The following ANKRD33 variants were observed in gnomAD, a reference collection of about 807,000 sequenced individuals.
ANKRD33 encodes photoreceptor ankyrin repeat protein.
In ANKRD33, 20 loss-of-function variants were observed where a neutral mutation model predicts 20.6. That is an observed-to-expected ratio of 0.97 (90% confidence interval 0.68 to 1.41). The LOEUF (loss-of-function observed/expected upper bound fraction) is 1.41, where lower values mean the gene tolerates loss of function less well. ANKRD33 is among the 40% of genes most tolerant of loss of function. The pLI, the probability that ANKRD33 is intolerant of heterozygous loss-of-function variation, is 0.00. For synonymous variants in ANKRD33, 246 were observed against 245.0 expected, an observed-to-expected ratio of 1.00 and a Z score of -0.04; for missense variants, 545 against 579.6, an observed-to-expected ratio of 0.94 and a Z score of 0.61.
At chr12:51,890,557 C>A (rs1454572153) in intron 4 of ANKRD33, 27 bp from the exon 5 acceptor site, 3 of 1,600,660 alleles carry the variant, frequency 1.9e-6, no homozygotes, top group Non-Finnish European at 2.6e-6. Flanking sequence ...TATCCCGCCC[C>A]ATGTCACCCC....
Position 51,888,759 on chromosome 12 carries a change from G to A in ANKRD33, c.337G>A (p.Ala113Thr). 6.2e-7 allele frequency: 1 copy of A among 1,614,098 alleles called. No homozygotes were observed. The highest frequency in any genetic ancestry group is 8.5e-7 in the Non-Finnish European group (1 of 1,180,024). Residue 113 changes from alanine (A) to threonine (T), a missense_variant, in exon 2 of 5, where the codon GCC becomes ACC. Coordinates refer to ENST00000301190, the MANE Select transcript of ANKRD33 (RefSeq NM_182608.4). Reference sequence around the variant, plus strand: ...CCACAATGATCCCACCCAGCTCCAAGCCATACTGGATGGTGGGGTCTCCCC... The same window carrying A: ...CCACAATGATCCCACCCAGCTCCAAACCATACTGGATGGTGGGGTCTCCCC... Reference protein sequence around the residue: ...CVHNDPTQLQAILDGGVSPEE... With the variant: ...CVHNDPTQLQTILDGGVSPEE...
intron 1 of ANKRD33, 45 bp from the exon 2 acceptor site, chr12:51,888,523 G>A: frequency 6.5e-7 from 1 of 1,549,388 alleles, no homozygotes; most frequent in Middle Eastern, 1.7e-4. Flanking sequence ...CCCCTCCCTA[G>A]GATCCAGGGA....
intron 4 of ANKRD33, chr12:51,890,249 A>G: frequency 2.2e-6 from 1 of 462,450 alleles, no homozygotes; most frequent in Non-Finnish European, 4.0e-6. Context: ...ATCCCCACCC[A>G]CCTGCCCCAG....
Position 51,888,333 on chromosome 12 carries a change from T to C in ANKRD33, c.145+2T>C, listed in dbSNP as rs758992474. 6.3e-7 allele frequency: 1 copy of C among 1,596,956 alleles called. No homozygotes were observed. The highest frequency in any genetic ancestry group is 1.1e-5 in the South Asian group (1 of 90,766). On this transcript the variant is annotated splice_donor_variant, in intron 1 of 4. Coordinates refer to ENST00000301190, the MANE Select transcript of ANKRD33 (RefSeq NM_182608.4). LOFTEE classifies it high-confidence loss of function. Reference sequence around the variant, plus strand: ...TCATAGATACCCTACGAACCCCAAGTAAGAAAAAACGACGACCCTCTCTCC... The same window carrying C: ...TCATAGATACCCTACGAACCCCAAGCAAGAAAAAACGACGACCCTCTCTCC...
At position 51,890,567 on chromosome 12, in the gene ANKRD33, C is replaced by A. The variant is rs552296689; in HGVS notation, c.638-17C>A. The A allele has an allele frequency of 2.5e-6, 4 of 1,606,174 alleles. No homozygotes were observed. The highest frequency in any genetic ancestry group is 3.4e-6 in the Non-Finnish European group (4 of 1,178,116). ...ACCCCTATCCCGCCCCATGTCACCC[C>A]CTGTGCTCCTTCCCAGGTGCTGACC... On this transcript the variant is annotated splice_polypyrimidine_tract_variant and intron_variant, in intron 4 of 4. Transcript: ENST00000301190.
rs1847531500 is a variant in ANKRD33 at position 51,890,723 on chromosome 12, C to T, written c.777C>T (p.Tyr259=). Residue 259 remains tyrosine, a synonymous_variant, in exon 5 of 5, where the codon TAC becomes TAT. Coordinates refer to ENST00000301190, the MANE Select transcript of ANKRD33 (RefSeq NM_182608.4). ...RPQVEQLSQH[Y]KPEWPALSGL... ...AAGTGGAGCAGCTTAGCCAGCACTA[C>T]AAGCCCGAGTGGCCGGCCTTGTCCG... 1.2e-6 allele frequency: 2 copies of T among 1,603,924 alleles called. No homozygotes were observed. Among genetic ancestry groups the T allele is most frequent in the East Asian group, 2.2e-5 (1 of 44,878 alleles).
chr12:51,888,873 AC>A (rs1940310721), intron 2 of ANKRD33, 55 bp downstream of exon 2: 1 of 1,605,080 alleles, frequency 6.2e-7, no homozygotes, highest in Admixed American at 1.7e-5. Flanking sequence ...TCCCCACCAC[AC>A]CGTCCTGGCC....
rs1402435860 is a variant in ANKRD33 at position 51,888,110 on chromosome 12, G to A, written c.-77G>A. 2 of 1,549,140 alleles carry A rather than the reference G, an allele frequency of 1.3e-6. No homozygotes were observed. Among genetic ancestry groups the A allele is most frequent in the South Asian group, 1.2e-5 (1 of 86,008 alleles). On this transcript the variant is annotated 5_prime_UTR_variant, in exon 1 of 5. Coordinates refer to ENST00000301190, the MANE Select transcript of ANKRD33 (RefSeq NM_182608.4). ...TGGTCTGAGTCCGCTCCTGAGACGT[G>A]ACCACCCGCCCCGCATGGGGCCCCA...
Position 51,889,215 on chromosome 12 carries a change from C to T in ANKRD33, c.526+19C>T. The T allele has an allele frequency of 6.2e-7, 1 of 1,614,082 alleles. No individual in the cohort carries two copies. Among genetic ancestry groups the T allele is most frequent in the Non-Finnish European group, 8.5e-7 (1 of 1,179,994 alleles). On this transcript the variant is annotated intron_variant, in intron 3 of 4. Coordinates refer to ENST00000301190, the MANE Select transcript of ANKRD33 (RefSeq NM_182608.4). ...CAAGCAGGTGTGAGGCTGCTGCACCCCACTTCCGACAGCCCCCTTTTGATG... is the reference window on the plus strand; with the variant it reads ...CAAGCAGGTGTGAGGCTGCTGCACCTCACTTCCGACAGCCCCCTTTTGATG...
rs551566212 is a variant in ANKRD33, at chr12:51,888,552, C to T, written c.146-16C>T. 1.3e-6 allele frequency: 2 copies of T among 1,546,652 alleles called. No individual in the cohort carries two copies. Among genetic ancestry groups the T allele is most frequent in the South Asian group, 2.5e-5 (2 of 79,640 alleles). ...CCAGGGAGACACTCACTACTCCTCT[C>T]CATTCTGTGTTTTAGATGCCAGCTG... is the stretch of plus-strand genomic sequence containing the variant. On this transcript the variant is annotated splice_polypyrimidine_tract_variant and intron_variant, in intron 1 of 4. Coordinates refer to ENST00000301190, the MANE Select transcript of ANKRD33 (RefSeq NM_182608.4).
In ANKRD33 at chr12:51,889,171, G is replaced by A. The variant is rs760681286; in HGVS notation, c.501G>A (p.Thr167=). The change falls in exon 3 of 5, where the codon ACG becomes ACA. Residue 167 remains threonine, a synonymous_variant. Coordinates refer to ENST00000301190, the MANE Select transcript of ANKRD33 (RefSeq NM_182608.4). ...ACCAGCAGGACAAAGGAGGGGACAC[G>A]GCCCTCATGTTGGCTGCCCAAGCAG... ...DVNQQDKGGD[T]ALMLAAQAGH... 6.8e-6 allele frequency: 11 copies of A among 1,614,086 alleles called. No individual in the cohort carries two copies. In the East Asian group the frequency reaches 1.1e-4, roughly 16 times the overall value.
chr12:51,889,209 T>C lies in ANKRD33; in HGVS notation c.526+13T>C. 6.2e-7 allele frequency: 1 copy of C among 1,614,112 alleles called. No individual in the cohort carries two copies. Among genetic ancestry groups the C allele is most frequent in the Non-Finnish European group, 8.5e-7 (1 of 1,180,022 alleles). ...GCTGCCCAAGCAGGTGTGAGGCTGC[T>C]GCACCCCACTTCCGACAGCCCCCTT... is the stretch of plus-strand genomic sequence containing the variant. On this transcript the variant is annotated intron_variant, in intron 3 of 4. Coordinates refer to ENST00000301190, the MANE Select transcript of ANKRD33 (RefSeq NM_182608.4).
At chr12:51,889,751 G>T (rs1263698822) in intron 4 of ANKRD33, 1 of 596,984 alleles carries the variant, frequency 1.7e-6, no homozygotes, top group Non-Finnish European at 2.8e-6. Context: ...TGTGGGAGGG[G>T]AACCTAGCCC....
intron 4 of ANKRD33, chr12:51,889,712 A>G (rs1940348592): frequency 1.2e-6 from 1 of 801,104 alleles, no homozygotes; most frequent in Non-Finnish European, 1.9e-6. Flanking sequence ...TAGCTCAGAC[A>G]TTGTGTGTGG....
chr12:51,888,214 G>A lies in ANKRD33; in HGVS notation c.28G>A (p.Val10Ile). 6.2e-7 allele frequency: 1 copy of A among 1,614,190 alleles called. No homozygotes were observed. Among genetic ancestry groups the A allele is most frequent in the Non-Finnish European group, 8.5e-7 (1 of 1,180,024 alleles). The change falls in exon 1 of 5, where the codon GTT becomes ATT. Residue 10 changes from valine (V) to isoleucine (I), a missense_variant. Physicochemically the swap from Val to Ile is conservative, Grantham distance 29 (BLOSUM62 3). Coordinates refer to ENST00000301190, the MANE Select transcript of ANKRD33 (RefSeq NM_182608.4). MKVQPSVTCVASWGGIVHLE... is the reference protein window; with the variant it reads MKVQPSVTCIASWGGIVHLE... ...GAAAGTCCAGCCATCTGTTACCTGC[G>A]TTGCTTCCTGGGGAGGGATAGTCCA...
rs190338164 is a variant in ANKRD33 at position 51,889,652 on chromosome 12, G to C, written c.637+170G>C. The C allele has an allele frequency of 1.1e-4, 145 of 1,272,812 alleles. 1 individual carries two copies. Among genetic ancestry groups the C allele is most frequent in the South Asian group, 5.6e-4 (36 of 64,106 alleles). 78.8% of individuals were successfully genotyped at this position (1,272,812 alleles called of 1,614,324 possible). ...TCAATCTAGTTCACCTTCCTGGAGG[G>C]GGGGGCACATGATTTGGGCTTCGTA... is the stretch of plus-strand genomic sequence containing the variant. On this transcript the variant is annotated intron_variant, in intron 4 of 4. Coordinates refer to ENST00000301190, the MANE Select transcript of ANKRD33 (RefSeq NM_182608.4).
chr12:51,890,546 C>T (rs1940385347), intron 4 of ANKRD33, 38 bp from the exon 5 acceptor site: 3 of 1,587,266 alleles, frequency 1.9e-6, no homozygotes, highest in Non-Finnish European at 2.6e-6. Flanking sequence ...TCACCAACCC[C>T]TATCCCGCCC....
chr12:51,889,764 C>A, intron 4 of ANKRD33: 1 of 537,722 alleles, frequency 1.9e-6, no homozygotes, highest in East Asian at 3.6e-5. Flanking sequence ...CCTAGCCCAG[C>A]TGGAAAATCT....
At chr12:51,888,415 C>G in intron 1 of ANKRD33, 84 bp downstream of exon 1, 1 of 1,590,140 alleles carries the variant, frequency 6.3e-7, no homozygotes, top group Non-Finnish European at 8.6e-7. Flanking sequence ...GGGCTCCTGA[C>G]CCAGCGCTTG....
Sources: allele counts gnomAD v4.1 joint callset, GRCh38; gene constraint gnomAD v4.1.1; transcripts MANE v1.5; gene names NCBI Gene and HGNC (gene_info 2026-07-23, HGNC 2026-07-21).